Variants in GOLGB1 observed in about 807,000 individuals in gnomAD.
The protein encoded by GOLGB1 is golgin subfamily B member 1.
GOLGB1 carries 174 observed loss-of-function variants against 336.9 expected under a neutral mutation model. The observed-to-expected ratio is 0.52, with a 90% CI of 0.46 to 0.59. The LOEUF (loss-of-function observed/expected upper bound fraction) is 0.59, where lower values mean the gene tolerates loss of function less well. Among genes scored for constraint, GOLGB1 ranks in the 20% least tolerant of loss-of-function variants. The probability of loss-of-function intolerance (pLI) is 0.00; values close to 1 mark genes in which losing one functional copy is unlikely to be tolerated. For missense variants in GOLGB1, 3,331 were observed against 3,645.3 expected (o/e 0.91, Z 2.22); for synonymous variants, 1,208 against 1,289.2 (o/e 0.94, Z 1.35).
At chr3:121,726,804 C>T in intron 5 of GOLGB1, 109 bp downstream of exon 5, 3 of 709,840 alleles carry the variant, frequency 4.2e-6, no homozygotes, top group South Asian at 5.1e-5. Context: ...CTGATATATA[C>T]ATAGATAAAT....
rs1186207284 is a variant in GOLGB1, at chr3:121,669,282, T to C, written c.9251A>G (p.Asn3084Ser). The C allele has an allele frequency of 3.1e-6, 5 of 1,613,878 alleles. No individual in the cohort carries two copies. The South Asian group carries it at 4.4e-5, about 14-fold the overall frequency. The change falls in exon 18 of 22, where the codon AAC becomes AGC. Residue 3084 changes from asparagine (N) to serine (S), a missense_variant. Asn to Ser is a conservative substitution (Grantham distance 46). Coordinates refer to ENST00000614479, the MANE Select transcript of GOLGB1 (RefSeq NM_001366282.2). ...TAAAAGGTCACCATAGTGCTGCTGG[T>C]TCTCACGAAGACTCTGACTGGTATC... ...LCDTSQSLRE[N>S]QQHYGDLLNH...
At chr3:121,715,048 G>T (rs1480072579) in intron 9 of GOLGB1, 72 bp from the exon 10 acceptor site, 7 of 825,586 alleles carry the variant, frequency 8.5e-6, no homozygotes, top group Non-Finnish European at 1.5e-5. Flanking sequence ...ATCTTCTAAA[G>T]ATACACTGTA....
chr3:121,706,342 T>C (rs770897534), intron 10 of GOLGB1, among the ~76,000 whole-genome samples: 5 of 152,008 alleles, frequency 3.3e-5, no homozygotes, highest in Non-Finnish European at 5.9e-5. Flanking sequence ...AAACATGCTA[T>C]GTCAAGGTAC....
chr3:121,738,480 T>G (rs1946635367), intron 1 of GOLGB1, among the ~76,000 whole-genome samples: 1 of 152,154 alleles, frequency 6.6e-6, no homozygotes, highest in Non-Finnish European at 1.5e-5. Flanking sequence ...TGGGTGTCAC[T>G]GGTGTTCAAC....
At chr3:121,734,739 G>C (rs1273748594) in intron 1 of GOLGB1, among the ~76,000 whole-genome samples, 1 of 152,182 alleles carries the variant, frequency 6.6e-6, no homozygotes, top group East Asian at 1.9e-4. Flanking sequence ...AACTTTCAAT[G>C]CCTGCAGATT....
rs2107494357 is a variant in GOLGB1, at chr3:121,663,332, G to A, written c.*1148C>T. The A allele has an allele frequency of 6.6e-6, 1 of 152,280 alleles. No homozygotes were observed. Among genetic ancestry groups the A allele is most frequent in the Non-Finnish European group, 1.5e-5 (1 of 68,020 alleles). The allele number at this position is 152,280 out of a possible 1,614,324, so 9.4% of individuals were successfully genotyped here. A position where few individuals can be genotyped will look rare whatever the true frequency, so the allele number is the denominator to read the frequency against. On this transcript the variant is annotated 3_prime_UTR_variant, in exon 22 of 22. Transcript: ENST00000614479. Reference sequence around the variant, plus strand: ...CCACTTGTCTTCTCTCTTCTTTAGGGAGAGGCTAGGCAGTGAACACATCAC... The same window carrying A: ...CCACTTGTCTTCTCTCTTCTTTAGGAAGAGGCTAGGCAGTGAACACATCAC...
chr3:121,695,483 T>G lies in GOLGB1; in HGVS notation c.5040A>C (p.Lys1680Asn). 1 of 1,614,110 alleles carries G rather than the reference T, an allele frequency of 6.2e-7. No homozygotes were observed. The highest frequency in any genetic ancestry group is 8.5e-7 in the Non-Finnish European group (1 of 1,180,020). ...ATTTAGCAAACTTTCTCATCTTTTC[T>G]TTCATTTCCTCCATTTCTTGCTCAG... The part of the protein sequence containing the change: ...QEAEQEMEEM[K>N]EKMRKFAKSK... Residue 1680 changes from lysine (K) to asparagine (N), a missense_variant, in exon 13 of 22, where the codon AAA (lysine) becomes AAC (asparagine). By Grantham distance (94) the Lys-to-Asn change is moderately conservative. Coordinates refer to ENST00000614479, the MANE Select transcript of GOLGB1 (RefSeq NM_001366282.2).
At chr3:121,729,452 T>C (rs2108281152) in intron 3 of GOLGB1, 112 bp from the exon 4 acceptor site, 1 of 893,430 alleles carries the variant, frequency 1.1e-6, no homozygotes, top group Non-Finnish European at 1.7e-6. Flanking sequence ...ATCTCTCTGT[T>C]ACCAGGGCTG....
At chr3:121,677,539 C>G (rs760688497) in intron 15 of GOLGB1, 89 bp from the exon 16 acceptor site, 12 of 828,780 alleles carry the variant, frequency 1.4e-5, no homozygotes, top group Non-Finnish European at 2.4e-5. Context: ...CTTTGCTTAT[C>G]TTCAAAGTTA....
rs112485604 is a variant in GOLGB1 at position 121,747,369 on chromosome 3, GTA to G, written c.-3+2261_-3+2262del. On this transcript the variant is annotated intron_variant, in intron 1 of 21. Coordinates refer to ENST00000614479, the MANE Select transcript of GOLGB1 (RefSeq NM_001366282.2). ...TATATGTGTATATACGTATATATACGTATATGTCTATATACGTATATATATAC... is the reference window on the plus strand; with the variant it reads ...TATATGTGTATATACGTATATATACGTATGTCTATATACGTATATATATAC... 2.0e-4 allele frequency among the ~76,000 whole-genome samples: 26 copies of G among 132,270 alleles called. 1 individual carries two copies. Among genetic ancestry groups the G allele is most frequent in the South Asian group, 4.5e-4 (2 of 4,400 alleles). 86.8% of individuals were successfully genotyped at this position (132,270 alleles called of 152,430 possible). A position where few individuals can be genotyped will look rare whatever the true frequency, so the allele number is the denominator to read the frequency against.
In GOLGB1 at chr3:121,676,995, T is replaced by C; in HGVS notation, c.9075A>G (p.Ser3025=). The stretch of plus-strand genomic sequence containing the variant: ...GTTCTGTCTCATAAACCAGATTTTG[T>C]GACCCATCTGGGGAAGCTGATGTCT... The part of the protein sequence containing the change: ...SPETSASPDG[S]QNLVYETELL... Residue 3025 remains serine (S), a synonymous_variant, in exon 17 of 22, where the codon TCA becomes TCG. Coordinates refer to ENST00000614479, the MANE Select transcript of GOLGB1 (RefSeq NM_001366282.2). 1.2e-6 allele frequency: 2 copies of C among 1,613,770 alleles called. No homozygotes were observed. The highest frequency in any genetic ancestry group is 1.7e-6 in the Non-Finnish European group (2 of 1,179,656).
intron 1 of GOLGB1, among the ~76,000 whole-genome samples, chr3:121,746,946 A>G (rs1379851419): frequency 6.6e-6 from 1 of 151,848 alleles, no homozygotes; most frequent in Non-Finnish European, 1.5e-5. Flanking sequence ...TATTTTCTGA[A>G]TAATCTCATT....
chr3:121,693,263 G>C (rs1298449220), intron 13 of GOLGB1, among the ~76,000 whole-genome samples: 3 of 152,264 alleles, frequency 2.0e-5, no homozygotes, highest in Non-Finnish European at 4.4e-5. Context: ...GAGGTGGGTG[G>C]ATCACCTGAG....
rs776878950 is a variant in GOLGB1, at chr3:121,698,762, T to C, written c.1761A>G (p.Gly587=). The change falls in exon 13 of 22, where the codon GGA becomes GGG. Residue 587 remains glycine (G), a synonymous_variant. Coordinates refer to ENST00000614479, the MANE Select transcript of GOLGB1 (RefSeq NM_001366282.2). The part of the protein sequence containing the change: ...EIAFLKLQLQ[G]KRAEEADHEV... ...CATGATCTGCTTCCTCAGCCCTTTT[T>C]CCCTGGAGCTGTAATTTAAGAAATG... The C allele has an allele frequency of 1.9e-6, 3 of 1,613,664 alleles. No homozygotes were observed. The highest frequency in any genetic ancestry group is 2.2e-5 in the South Asian group (2 of 91,032).
intron 9 of GOLGB1, among the ~76,000 whole-genome samples, chr3:121,715,254 A>G (rs898650490): frequency 2.4e-4 from 35 of 146,068 alleles, no homozygotes; most frequent in African/African-American, 7.1e-4. Context: ...CCTAAGCTGG[A>G]GTGCAGTGGT....
At chr3:121,722,583 T>C (rs1221094964) in intron 5 of GOLGB1, among the ~76,000 whole-genome samples, 1 of 152,176 alleles carries the variant, frequency 6.6e-6, no homozygotes, top group Non-Finnish European at 1.5e-5. Flanking sequence ...AATTTTTCAA[T>C]TTCTCTGACT....
chr3:121,690,862 G>A lies in GOLGB1; in HGVS notation c.8502C>T (p.Asn2834=). Residue 2834 remains asparagine (N), a synonymous_variant, in exon 14 of 22, where the codon AAC becomes AAT. Coordinates refer to ENST00000614479, the MANE Select transcript of GOLGB1 (RefSeq NM_001366282.2). ...TAGCCTTGGAAAAGGACTGCACTTG[G>A]TTATAAGAATCTTCTAGTTGTGAGG... The part of the protein sequence containing the change: ...HLSSQLEDSY[N]QVQSFSKAMA... 2 of 1,614,016 alleles carry A rather than the reference G, an allele frequency of 1.2e-6. No individual in the cohort carries two copies. Among genetic ancestry groups the A allele is most frequent in the Admixed American group, 3.3e-5 (2 of 60,000 alleles).
In GOLGB1 at chr3:121,695,151, G is replaced by A. The variant is rs147414277; in HGVS notation, c.5372C>T (p.Thr1791Ile). Residue 1791 changes from threonine to isoleucine, a missense_variant, in exon 13 of 22, where the codon ACT (threonine) becomes ATT (isoleucine). Transcript: ENST00000614479. The stretch of plus-strand genomic sequence containing the variant: ...TGGTATAGACTGTGTTCCCTCTTCA[G>A]TGACATTCGTTTGGTTATCATGTTT... ...TEKHDNQTNV[T>I]EEGTQSIPGE... The A allele has an allele frequency of 3.5e-5, 57 of 1,613,510 alleles. No homozygotes were observed. The highest frequency in any genetic ancestry group is 4.7e-5 in the Non-Finnish European group (56 of 1,179,882).
intron 14 of GOLGB1, among the ~76,000 whole-genome samples, chr3:121,688,233 C>T (rs1013761064): frequency 2.6e-5 from 4 of 152,178 alleles, no homozygotes; most frequent in Admixed American, 1.3e-4. Context: ...CCTCTGATGC[C>T]GAGCCAAAGC....
Sources: gnomAD v4.1 joint callset for allele counts (sites outside exome capture counted in the v4.1 genomes callset) on GRCh38, gnomAD v4.1.1 for gene constraint, MANE v1.5 for transcripts, NCBI Gene and HGNC (gene_info 2026-07-23, HGNC 2026-07-21) for gene names.